Variants in CNTNAP5 observed in about 807,000 individuals in gnomAD.
The protein encoded by CNTNAP5 is contactin-associated protein-like 5.
CNTNAP5 carries 72 observed loss-of-function variants against 150.2 expected under a neutral mutation model. The observed-to-expected ratio is 0.48, with a 90% CI of 0.40 to 0.58. The LOEUF (loss-of-function observed/expected upper bound fraction) is 0.58, where lower values mean the gene tolerates loss of function less well. Among genes scored for constraint, CNTNAP5 ranks in the 20% least tolerant of loss-of-function variants. The pLI is 0.00. For synonymous variants in CNTNAP5, 672 were observed against 619.8 expected (o/e 1.08, Z -1.25); for missense variants, 1,636 against 1,626.2 (o/e 1.01, Z -0.10).
chr2:124,657,136 A>G (rs1212443555), intron 13 of CNTNAP5, among the ~76,000 whole-genome samples: 1 of 152,202 alleles, frequency 6.6e-6, no homozygotes, highest in Non-Finnish European at 1.5e-5. Flanking sequence ...TAGTGTGGCC[A>G]TTCAAAGAGT....
At chr2:124,403,015 C>A (rs1428134771) in intron 3 of CNTNAP5, among the ~76,000 whole-genome samples, 1 of 152,214 alleles carries the variant, frequency 6.6e-6, no homozygotes, top group Non-Finnish European at 1.5e-5. Context: ...CTGTGGTTTG[C>A]ATGTTAATTA....
chr2:124,877,850 G>A (rs923853281), intron 21 of CNTNAP5, among the ~76,000 whole-genome samples: 1 of 152,034 alleles, frequency 6.6e-6, no homozygotes, highest in African/African-American at 2.4e-5. Context: ...AGTAGTTACT[G>A]TTAGTATTAT....
rs796745822 is a variant in CNTNAP5, at chr2:124,889,536, A to G, written c.3437-13346A>G. Among the ~76,000 whole-genome samples, 17 of 152,006 alleles carry G rather than the reference A, an allele frequency of 1.1e-4. 1 individual carries two copies. The highest frequency in any genetic ancestry group is 4.1e-4 in the African/African-American group (17 of 41,482). On this transcript the variant is annotated intron_variant, in intron 21 of 23. Transcript: ENST00000682447. ...GTGAGATAGGATTCTTAAATATAGC[A>G]TTTTCCTTGTGTTTTCCTAGAGAGC...
chr2:124,087,077 C>T (rs935373718), intron 1 of CNTNAP5, among the ~76,000 whole-genome samples: 5 of 151,660 alleles, frequency 3.3e-5, no homozygotes, highest in African/African-American at 4.9e-5. Context: ...ATACAGAAAC[C>T]TTACTTCTTT....
intron 13 of CNTNAP5, among the ~76,000 whole-genome samples, chr2:124,702,346 C>CT (rs71412792): frequency 1.9e-5 from 1 of 52,250 alleles, no homozygotes; most frequent in African/African-American, 7.5e-5. Flanking sequence ...ACTATGAACA[C>CT]TTTTTTTTTT....
chr2:124,460,380 G>A (rs1285704521), intron 6 of CNTNAP5, among the ~76,000 whole-genome samples: 1 of 152,008 alleles, frequency 6.6e-6, no homozygotes, highest in Non-Finnish European at 1.5e-5. Context: ...TTAAAAGACA[G>A]TTCTTATATT....
chr2:124,401,619 C>T (rs1017610211), intron 3 of CNTNAP5, among the ~76,000 whole-genome samples: 3 of 152,214 alleles, frequency 2.0e-5, no homozygotes, highest in African/African-American at 7.2e-5. Flanking sequence ...CTTAAAATAA[C>T]TTTATCAATG....
At chr2:124,316,365 A>G (rs1397995161) in intron 3 of CNTNAP5, among the ~76,000 whole-genome samples, 1 of 152,162 alleles carries the variant, frequency 6.6e-6, no homozygotes, top group Non-Finnish European at 1.5e-5. Flanking sequence ...TATCTCTTTA[A>G]CTCAATTAGC....
At chr2:124,480,980 G>A (rs984605804) in intron 7 of CNTNAP5, among the ~76,000 whole-genome samples, 25 of 152,176 alleles carry the variant, frequency 1.6e-4, no homozygotes, top group Non-Finnish European at 3.4e-4. Context: ...ACAGTGTAAT[G>A]GTTAATATCT....
chr2:124,113,925 C>CTCCA lies in CNTNAP5; in HGVS notation c.82+88194_82+88195insCCAT, dbSNP rs1464805868. On this transcript the variant is annotated intron_variant, in intron 1 of 23. Coordinates refer to ENST00000682447, the MANE Select transcript of CNTNAP5 (RefSeq NM_001367498.1). ...TGCTATATATCAAGTGTCTCTCTCT[C>CTCCA]TATATATATATATATGTCTATTACT... Among the ~76,000 whole-genome samples, 3 of 150,222 alleles carry CTCCA rather than the reference C, an allele frequency of 2.0e-5. No individual in the cohort carries two copies. The East Asian group carries it at 5.8e-4, about 29-fold the overall frequency.
At chr2:124,882,151 C>T (rs763434851) in intron 21 of CNTNAP5, among the ~76,000 whole-genome samples, 5 of 152,058 alleles carry the variant, frequency 3.3e-5, no homozygotes, top group Non-Finnish European at 5.9e-5. Flanking sequence ...CTTTGAATGC[C>T]AGATGAACAA....
Position 124,709,234 on chromosome 2 carries a change from T to TGC in CNTNAP5, c.2078-37994_2078-37993insCG, listed in dbSNP as rs1317181093. On this transcript the variant is annotated intron_variant, in intron 13 of 23. Transcript: ENST00000682447. ...GAGGGAGGGTGTGTGTGTGTGTGCG[T>TGC]GTGTGTGTGTGTGTGTGTGTGTGTG... 3.1e-3 allele frequency among the ~76,000 whole-genome samples: 413 copies of TGC among 132,656 alleles called. 2 individuals are homozygous for TGC. Among genetic ancestry groups the TGC allele is most frequent in the African/African-American group, 0.01 (372 of 35,744 alleles). The allele number at this position is 132,656 out of a possible 152,430, so 87.0% of individuals were successfully genotyped here.
At position 124,578,469 on chromosome 2, in the gene CNTNAP5, A is replaced by T; in HGVS notation, c.1756+15146A>T. ...GTCTTGGAACTGTACACCCACTGGAAACCACAGGATAAAGCTCACCAGGGA... is the reference window on the plus strand; with the variant it reads ...GTCTTGGAACTGTACACCCACTGGATACCACAGGATAAAGCTCACCAGGGA... On this transcript the variant is annotated intron_variant, in intron 11 of 23. Transcript: ENST00000682447. Among the ~76,000 whole-genome samples, 2 of 152,142 alleles carry T rather than the reference A, an allele frequency of 1.3e-5. 1 individual carries two copies. The highest frequency in any genetic ancestry group is 3.9e-4 in the East Asian group (2 of 5,174).
In CNTNAP5 at chr2:124,648,604, G is replaced by A. The variant is rs544607400; in HGVS notation, c.2077+646G>A. Among the ~76,000 whole-genome samples, 7 of 152,146 alleles carry A rather than the reference G, an allele frequency of 4.6e-5. No homozygotes were observed. In the East Asian group the frequency reaches 1.2e-3, roughly 25 times the overall value. On this transcript the variant is annotated intron_variant, in intron 13 of 23. Transcript: ENST00000682447. ...CCCATGGTTATTTTTTACAGTAAAT[G>A]GATGATTTAGTTATTAACATGCTTT...
chr2:124,077,156 A>C (rs1682456701), intron 1 of CNTNAP5, among the ~76,000 whole-genome samples: 1 of 152,270 alleles, frequency 6.6e-6, no homozygotes, highest in Non-Finnish European at 1.5e-5. Context: ...TGATTGATTG[A>C]ATGATAGCAT....
chr2:124,507,350 C>T (rs1228455295), intron 8 of CNTNAP5, among the ~76,000 whole-genome samples: 1 of 151,962 alleles, frequency 6.6e-6, no homozygotes, highest in African/African-American at 2.4e-5. Context: ...ACCAGCTACT[C>T]GTCAGGCTCA....
intron 1 of CNTNAP5, among the ~76,000 whole-genome samples, chr2:124,170,422 G>T (rs1684903388): frequency 6.6e-6 from 1 of 152,206 alleles, no homozygotes; most frequent in South Asian, 2.1e-4. Context: ...AATCTTGCCA[G>T]TATTAGCATT....
intron 13 of CNTNAP5, among the ~76,000 whole-genome samples, chr2:124,679,904 G>T (rs1388658212): frequency 2.6e-5 from 4 of 151,756 alleles, no homozygotes; most frequent in Non-Finnish European, 5.9e-5. Context: ...AAAGCAAAAT[G>T]CATTTCTTTG....
At position 124,915,941 on chromosome 2, in the gene CNTNAP5, A is replaced by T. The variant is rs2104773611; in HGVS notation, c.*1653A>T. Among the ~76,000 whole-genome samples, 1 of 152,164 alleles carries T rather than the reference A, an allele frequency of 6.6e-6. No homozygotes were observed. The highest frequency in any genetic ancestry group is 1.9e-4 in the East Asian group (1 of 5,150). ...CTGATTCTCTTTATGAGGCAGATTC[A>T]ATTTAGAAAACAATGACCACAGCTC... On this transcript the variant is annotated 3_prime_UTR_variant, in exon 24 of 24. Coordinates refer to ENST00000682447, the MANE Select transcript of CNTNAP5 (RefSeq NM_001367498.1).
Sources: allele counts gnomAD v4.1 joint callset (sites outside exome capture counted in the v4.1 genomes callset), GRCh38; gene constraint gnomAD v4.1.1; transcripts MANE v1.5; gene names NCBI Gene and HGNC (gene_info 2026-07-23, HGNC 2026-07-21).